Variants in DOCK2 observed in about 807,000 individuals in gnomAD.
DOCK2 encodes dedicator of cytokinesis protein 2.
A neutral mutation model predicts 248.9 loss-of-function variants in DOCK2; 87 were observed. The observed-to-expected ratio is 0.35, with a 90% confidence interval of 0.29 to 0.42. The LOEUF is 0.42. DOCK2 is among the 10% of genes least tolerant of loss of function. The pLI, the probability that DOCK2 is intolerant of heterozygous loss-of-function variation, is 1.00. For missense variants in DOCK2, 1,747 were observed against 2,300.2 expected, an observed-to-expected ratio of 0.76 and a Z score of 4.92; for synonymous variants, 805 against 821.6, an observed-to-expected ratio of 0.98 and a Z score of 0.35.
chr5:169,866,754 C>T (rs991988030), intron 27 of DOCK2, among the ~76,000 whole-genome samples: 2 of 152,174 alleles, frequency 1.3e-5, no homozygotes, highest in African/African-American at 2.4e-5. Flanking sequence ...TCAGGAGTCT[C>T]TATTTCAGGA....
At chr5:169,758,283 G>A (rs1301254704) in intron 23 of DOCK2, among the ~76,000 whole-genome samples, 1 of 152,194 alleles carries the variant, frequency 6.6e-6, no homozygotes, top group Non-Finnish European at 1.5e-5. Flanking sequence ...ACATGCACAT[G>A]TAGGTTCATG....
chr5:169,663,988 T>G (rs1247375605), intron 2 of DOCK2, among the ~76,000 whole-genome samples: 2 of 152,234 alleles, frequency 1.3e-5, no homozygotes, highest in Non-Finnish European at 2.9e-5. Context: ...TTTCCAAACT[T>G]TTACTCTCTG....
chr5:169,822,860 G>C (rs978446874), intron 26 of DOCK2, among the ~76,000 whole-genome samples: 23 of 152,172 alleles, frequency 1.5e-4, no homozygotes, highest in African/African-American at 5.3e-4. Flanking sequence ...CAACAAAATT[G>C]ATAGACCACT....
At chr5:169,751,546 A>T (rs1325184165) in intron 23 of DOCK2, among the ~76,000 whole-genome samples, 1 of 152,080 alleles carries the variant, frequency 6.6e-6, no homozygotes, top group Non-Finnish European at 1.5e-5. Context: ...TTATGTTGGA[A>T]ACCCTCTTTT....
intron 25 of DOCK2, among the ~76,000 whole-genome samples, chr5:169,780,713 G>A (rs183284844): frequency 6.6e-6 from 1 of 152,310 alleles, no homozygotes; most frequent in East Asian, 1.9e-4. Context: ...TTCATTGAAA[G>A]ATGGTAATAT....
intron 27 of DOCK2, among the ~76,000 whole-genome samples, chr5:169,929,343 C>G (rs1775629032): frequency 6.6e-6 from 1 of 152,094 alleles, no homozygotes. Flanking sequence ...CAGACAAATC[C>G]CATAGCTTTT....
chr5:170,037,377 TA>T (rs1401109160), intron 36 of DOCK2, among the ~76,000 whole-genome samples: 1 of 151,942 alleles, frequency 6.6e-6, no homozygotes, highest in Non-Finnish European at 1.5e-5. Context: ...AATGAAACTA[TA>T]AAATTTTTTC....
At chr5:169,859,473 A>T (rs1182288373) in intron 27 of DOCK2, among the ~76,000 whole-genome samples, 1 of 152,248 alleles carries the variant, frequency 6.6e-6, no homozygotes, top group African/African-American at 2.4e-5. Context: ...GCAATGCTTG[A>T]TGGGCGTAGT....
At chr5:169,718,421 G>T (rs538670930) in intron 21 of DOCK2, among the ~76,000 whole-genome samples, 44 of 152,194 alleles carry the variant, frequency 2.9e-4, no homozygotes, top group African/African-American at 9.9e-4. Flanking sequence ...CTAGTCAAAA[G>T]ATTTTTTTTT....
intron 27 of DOCK2, among the ~76,000 whole-genome samples, chr5:169,922,490 C>A (rs1481770928): frequency 6.6e-6 from 1 of 152,210 alleles, no homozygotes; most frequent in African/African-American, 2.4e-5. Context: ...GGGCTTGATA[C>A]ATTTAATTAT....
At position 170,029,433 on chromosome 5, in the gene DOCK2, T is replaced by C. The variant is rs374242766; in HGVS notation, c.3467+1485T>C. On this transcript the variant is annotated intron_variant, in intron 34 of 51. Transcript: ENST00000520908. ...AGACATTGGGTTTTGATCCTGGCTC[T>C]ACCACTTAGCAGCTGCAAGACTTCA... Among the ~76,000 whole-genome samples, 61 of 152,358 alleles carry C rather than the reference T, an allele frequency of 4.0e-4. No homozygotes were observed. The South Asian group carries it at 8.9e-3, about 22-fold the overall frequency.
intron 22 of DOCK2, among the ~76,000 whole-genome samples, chr5:169,733,953 T>C (rs1022153795): frequency 1.3e-5 from 2 of 152,194 alleles, no homozygotes; most frequent in African/African-American, 2.4e-5. Flanking sequence ...AAACTATTAT[T>C]CTTGCTTTTT....
chr5:169,696,772 C>G (rs925760794), intron 10 of DOCK2, among the ~76,000 whole-genome samples: 2 of 151,998 alleles, frequency 1.3e-5, no homozygotes, highest in African/African-American at 4.8e-5. Flanking sequence ...AACTAGTCCC[C>G]TGGCACTGCT....
At chr5:169,868,287 A>G (rs1771725163) in intron 27 of DOCK2, among the ~76,000 whole-genome samples, 1 of 152,048 alleles carries the variant, frequency 6.6e-6, no homozygotes, top group African/African-American at 2.4e-5. Context: ...TCTCTGAACT[A>G]CTCCTACTTT....
At chr5:169,810,008 T>G (rs1405840358) in intron 26 of DOCK2, among the ~76,000 whole-genome samples, 1 of 152,222 alleles carries the variant, frequency 6.6e-6, no homozygotes, top group African/African-American at 2.4e-5. Flanking sequence ...TGGACTTTTC[T>G]GTCTGCCTGC....
intron 2 of DOCK2, among the ~76,000 whole-genome samples, chr5:169,654,980 T>C (rs1463600353): frequency 6.6e-6 from 1 of 152,194 alleles, no homozygotes; most frequent in Non-Finnish European, 1.5e-5. Flanking sequence ...TCTCTTTCTT[T>C]CTCCTACAAA....
At position 169,727,419 on chromosome 5, in the gene DOCK2, C is replaced by T. The variant is rs73799365; in HGVS notation, c.2267+8628C>T. ...TTCTTGCTGTTGTGCTGTACCCACA[C>T]ACGAATGTCATGTTTGTGGAGAAGA... is the stretch of plus-strand genomic sequence containing the variant. On this transcript the variant is annotated intron_variant, in intron 22 of 51. Coordinates refer to ENST00000520908, the MANE Select transcript of DOCK2 (RefSeq NM_004946.3). Among the ~76,000 whole-genome samples the T allele has an allele frequency of 8.2e-3, 1,242 of 152,272 alleles. 19 individuals carry two copies. The highest frequency in any genetic ancestry group is 0.029 in the African/African-American group (1,192 of 41,506).
chr5:169,814,146 A>G (rs1372175028), intron 26 of DOCK2, among the ~76,000 whole-genome samples: 1 of 152,252 alleles, frequency 6.6e-6, no homozygotes, highest in Non-Finnish European at 1.5e-5. Context: ...GCACAGGGAA[A>G]GCAGTAGCTT....
At chr5:169,797,813 CT>C (rs1047519353) in intron 25 of DOCK2, among the ~76,000 whole-genome samples, 2 of 152,192 alleles carry the variant, frequency 1.3e-5, no homozygotes, top group African/African-American at 4.8e-5. Flanking sequence ...TGTTTGTTGG[CT>C]TGACAATCAA....
Sources: allele counts gnomAD v4.1 joint callset (sites outside exome capture counted in the v4.1 genomes callset), GRCh38; gene constraint gnomAD v4.1.1; transcripts MANE v1.5; gene names NCBI Gene and HGNC (gene_info 2026-07-23, HGNC 2026-07-21).